Variants in PCDHA10 observed in about 807,000 individuals in gnomAD.
PCDHA10 encodes protocadherin alpha 10.
In PCDHA10, 45 loss-of-function variants were observed where a neutral mutation model predicts 61.2. The ratio of observed to expected loss-of-function variants is 0.74; its 90% CI spans 0.58 to 0.94. The LOEUF (loss-of-function observed/expected upper bound fraction) is 0.94. Among genes scored for constraint, PCDHA10 ranks in the 40% least tolerant of loss-of-function variants. PCDHA10 has a pLI of 0.00. For synonymous variants in PCDHA10, 602 were observed against 548.8 expected (o/e 1.10, Z -1.35); for missense variants, 1,278 against 1,236.2 (o/e 1.03, Z -0.51).
chr5:140,974,577 T>C (rs2096632640), intron 1 of PCDHA10, among the ~76,000 whole-genome samples: 1 of 152,200 alleles, frequency 6.6e-6, no homozygotes, highest in South Asian at 2.1e-4. Flanking sequence ...AATGGCATGA[T>C]CTTGGCTCAC....
intron 1 of PCDHA10, chr5:140,870,144 T>C (rs782683134): frequency 1.9e-6 from 3 of 1,614,058 alleles, no homozygotes; most frequent in Admixed American, 1.7e-5. Flanking sequence ...ATAACTCTCC[T>C]GAAGTCGCCG....
intron 1 of PCDHA10, among the ~76,000 whole-genome samples, chr5:140,922,214 C>T (rs1554200731): frequency 1.3e-5 from 2 of 152,004 alleles, no homozygotes; most frequent in African/African-American, 4.8e-5. Context: ...CTTTGTAAAA[C>T]ATTTGAACCT....
At chr5:140,889,169 G>A (rs2062128594) in intron 1 of PCDHA10, among the ~76,000 whole-genome samples, 1 of 151,182 alleles carries the variant, frequency 6.6e-6, no homozygotes, top group African/African-American at 2.4e-5. Flanking sequence ...AAGTATTCAA[G>A]TTATAAATAA....
At chr5:140,992,999 C>G (rs1254110475) in intron 3 of PCDHA10, among the ~76,000 whole-genome samples, 4 of 152,188 alleles carry the variant, frequency 2.6e-5, no homozygotes, top group African/African-American at 9.7e-5. Flanking sequence ...CATGAAAGAG[C>G]CTCCCCAGAG....
intron 1 of PCDHA10, among the ~76,000 whole-genome samples, chr5:140,941,183 T>C (rs2092749314): frequency 8.3e-6 from 1 of 120,094 alleles, no homozygotes; most frequent in African/African-American, 3.0e-5. Flanking sequence ...AACATCCTGC[T>C]TCTTTTTTTT....
chr5:140,934,528 G>T (rs782284913), intron 1 of PCDHA10, among the ~76,000 whole-genome samples: 26 of 152,112 alleles, frequency 1.7e-4, no homozygotes, highest in Non-Finnish European at 2.2e-4. Flanking sequence ...CACTTCGAGA[G>T]CTACCGTTCT....
At chr5:140,925,959 T>A (rs1424415985) in intron 1 of PCDHA10, among the ~76,000 whole-genome samples, 5 of 151,912 alleles carry the variant, frequency 3.3e-5, no homozygotes, top group African/African-American at 4.8e-5. Flanking sequence ...GAAACTGCTA[T>A]CACGCAAAAA....
chr5:140,953,131 C>T (rs1554220819), intron 1 of PCDHA10, among the ~76,000 whole-genome samples: 1 of 152,158 alleles, frequency 6.6e-6, no homozygotes, highest in African/African-American at 2.4e-5. Context: ...TAAACCGTAT[C>T]ACTGTTATAT....
chr5:140,942,572 C>A (rs2093326271), intron 1 of PCDHA10, among the ~76,000 whole-genome samples: 1 of 151,292 alleles, frequency 6.6e-6, no homozygotes, highest in Non-Finnish European at 1.5e-5. Flanking sequence ...AAAAATCTTC[C>A]CATATAGGAT....
rs901766941 is a variant in PCDHA10 at position 140,982,266 on chromosome 5, G to A, written c.2448-209G>A. The A allele has an allele frequency of 6.1e-5, 54 of 879,038 alleles. No homozygotes were observed. In the African/African-American group the frequency reaches 7.6e-4, roughly 12 times the overall value. The allele number at this position is 879,038 out of a possible 1,614,324, so 54.5% of individuals were successfully genotyped here. ...TAAAGATAGAACATGTGTGTTCCTG[G>A]AATAGTATAGCAGGCAATAAGTAAG... On this transcript the variant is annotated intron_variant, in intron 2 of 3. Coordinates refer to ENST00000307360, the MANE Select transcript of PCDHA10 (RefSeq NM_018901.4).
chr5:140,871,973 T>C (rs2053419799), intron 1 of PCDHA10, among the ~76,000 whole-genome samples: 1 of 152,254 alleles, frequency 6.6e-6, no homozygotes, highest in African/African-American at 2.4e-5. Context: ...CTTCCTATGA[T>C]GTCCAGGTTG....
At chr5:140,975,610 C>T (rs1412581927) in intron 1 of PCDHA10, among the ~76,000 whole-genome samples, 5 of 152,160 alleles carry the variant, frequency 3.3e-5, no homozygotes, top group Non-Finnish European at 7.4e-5. Flanking sequence ...TGATGTCTTC[C>T]ACATGGATTT....
intron 2 of PCDHA10, among the ~76,000 whole-genome samples, chr5:140,980,702 G>A (rs1472407152): frequency 6.6e-6 from 1 of 151,558 alleles, no homozygotes; most frequent in Non-Finnish European, 1.5e-5. Flanking sequence ...AAAGCCAAAT[G>A]TGCTCCTATT....
chr5:140,922,342 A>G (rs1256854965), intron 1 of PCDHA10, among the ~76,000 whole-genome samples: 2 of 152,184 alleles, frequency 1.3e-5, no homozygotes, highest in East Asian at 3.8e-4. Flanking sequence ...GTATATTGGT[A>G]TTTTCTAGAG....
intron 3 of PCDHA10, among the ~76,000 whole-genome samples, chr5:141,008,360 G>C (rs569459357): frequency 6.6e-6 from 1 of 152,220 alleles, no homozygotes; most frequent in South Asian, 2.1e-4. Flanking sequence ...TCAACCAAAG[G>C]AGCAGTGTTA....
At chr5:141,004,677 A>T (rs971713487) in intron 3 of PCDHA10, among the ~76,000 whole-genome samples, 4 of 152,194 alleles carry the variant, frequency 2.6e-5, no homozygotes, top group African/African-American at 7.2e-5. Context: ...AGGACTGTGG[A>T]GTGGTGCTGA....
At chr5:140,988,672 G>A (rs1269904309) in intron 3 of PCDHA10, among the ~76,000 whole-genome samples, 1 of 152,180 alleles carries the variant, frequency 6.6e-6, no homozygotes, top group Non-Finnish European at 1.5e-5. Context: ...TAGACTCTAA[G>A]ATAATTCTTT....
intron 1 of PCDHA10, among the ~76,000 whole-genome samples, chr5:140,959,833 T>C (rs539062460): frequency 1.3e-5 from 2 of 152,366 alleles, no homozygotes; most frequent in East Asian, 3.9e-4. Context: ...TAATGTATTA[T>C]GCCTGTAACT....
intron 1 of PCDHA10, among the ~76,000 whole-genome samples, chr5:140,913,855 T>C (rs1554196077): frequency 6.6e-6 from 1 of 152,220 alleles, no homozygotes; most frequent in Admixed American, 6.5e-5. Context: ...TTCAGGAGCA[T>C]ATTGTTTAAT....
Sources: gnomAD v4.1 joint callset for allele counts (sites outside exome capture counted in the v4.1 genomes callset) on GRCh38, gnomAD v4.1.1 for gene constraint, MANE v1.5 for transcripts, NCBI Gene and HGNC (gene_info 2026-07-23, HGNC 2026-07-21) for gene names.